CTNS: variants seen among roughly 807,000 people sequenced by gnomAD.
CTNS encodes the protein cystinosin.
In CTNS, 27 loss-of-function variants were observed where a neutral mutation model predicts 43.7. The ratio of observed to expected loss-of-function variants is 0.62; its 90% CI spans 0.46 to 0.85. The LOEUF is 0.85. Among genes scored for constraint, CTNS ranks in the 40% least tolerant of loss-of-function variants. The probability of loss-of-function intolerance (pLI) is 0.00; values close to 1 mark genes in which losing one functional copy is unlikely to be tolerated. For missense variants in CTNS, 457 were observed against 475.4 expected, an observed-to-expected ratio of 0.96 and a Z score of 0.36; for synonymous variants, 187 against 190.6, an observed-to-expected ratio of 0.98 and a Z score of 0.16.
intron 2 of CTNS, among the ~76,000 whole-genome samples, chr17:3,637,970 C>G (rs1256282822): frequency 6.6e-6 from 1 of 152,154 alleles, no homozygotes; most frequent in Non-Finnish European, 1.5e-5. Flanking sequence ...AGTTCCAGGT[C>G]GTAGAACAGA....
intron 5 of CTNS, among the ~76,000 whole-genome samples, chr17:3,652,360 G>A (rs982254987): frequency 6.6e-6 from 1 of 152,190 alleles, no homozygotes; most frequent in African/African-American, 2.4e-5. Context: ...GGGAGGCCGA[G>A]GCAGGCAGAT....
At chr17:3,642,025 G>A (rs1038753896) in intron 3 of CTNS, among the ~76,000 whole-genome samples, 23 of 116,698 alleles carry the variant, frequency 2.0e-4, no homozygotes, top group Middle Eastern at 4.2e-3. Context: ...GTGCGCGCGC[G>A]TGTATTTGCC....
rs2076276981 is a variant in CTNS at position 3,661,443 on chromosome 17, C to G, written c.*1074C>G. 1 of 153,180 alleles carries G rather than the reference C, an allele frequency of 6.5e-6. No homozygotes were observed. The highest frequency in any genetic ancestry group is 2.0e-4 in the South Asian group (1 of 4,880). 9.5% of individuals were successfully genotyped at this position (153,180 alleles called of 1,614,324 possible). ...GGGGTGGGGGTCCCAGGACGTGCCT[C>G]ATACATGACTTGAGCTTGTCAGTCC... On this transcript the variant is annotated 3_prime_UTR_variant, in exon 12 of 12. Transcript: ENST00000046640.
chr17:3,642,086 TGGGC>T (rs2075730438), intron 3 of CTNS, among the ~76,000 whole-genome samples: 4 of 80,600 alleles, frequency 5.0e-5, no homozygotes, highest in African/African-American at 1.6e-4. Context: ...TGTGTGTGCC[TGGGC>T]GTGTGTGTGT....
intron 4 of CTNS, 78 bp from the exon 5 acceptor site, chr17:3,648,769 C>T (rs1198376902): frequency 8.4e-7 from 1 of 1,189,900 alleles, no homozygotes; most frequent in Non-Finnish European, 1.3e-6. Context: ...AGTTGAAGGC[C>T]AGATGTGAAA....
intron 2 of CTNS, among the ~76,000 whole-genome samples, chr17:3,639,211 C>T (rs1025284222): frequency 3.3e-5 from 5 of 152,078 alleles, no homozygotes; most frequent in African/African-American, 9.7e-5. Flanking sequence ...AAATCCATGC[C>T]GGCCTGGCTG....
chr17:3,653,938 G>C (rs367929309), intron 5 of CTNS, among the ~76,000 whole-genome samples: 1 of 152,010 alleles, frequency 6.6e-6, no homozygotes, highest in Non-Finnish European at 1.5e-5. Context: ...GCAGGCCTCC[G>C]GGTACTTTCC....
intron 3 of CTNS, among the ~76,000 whole-genome samples, chr17:3,641,371 TA>T (rs2075691412): frequency 1.5e-4 from 8 of 54,992 alleles, no homozygotes; most frequent in South Asian, 7.3e-4. Flanking sequence ...TATATATATA[TA>T]TATATATATA....
In CTNS at chr17:3,659,995, G is replaced by C; in HGVS notation, c.970+20G>C. ...ACAACGGTGAGTCAGCCAGCGGGCT[G>C]CTGGCCACCCTGCGGCTGGGGCATC... On this transcript the variant is annotated intron_variant, in intron 11 of 11. Coordinates refer to ENST00000046640, the MANE Select transcript of CTNS (RefSeq NM_004937.3). 1 of 1,596,644 alleles carries C rather than the reference G, an allele frequency of 6.3e-7. No homozygotes were observed.
intron 7 of CTNS, chr17:3,655,617 G>A (rs894716819): frequency 1.3e-5 from 6 of 453,894 alleles, no homozygotes; most frequent in East Asian, 4.6e-5. Context: ...GAGAATGGGC[G>A]GGGGAGGGAG....
At chr17:3,647,602 G>C in intron 4 of CTNS, 80 bp downstream of exon 4, 2 of 1,277,698 alleles carry the variant, frequency 1.6e-6, no homozygotes, top group Non-Finnish European at 2.3e-6. Context: ...GGCTCAGTCT[G>C]TTCAGATTTC....
At chr17:3,651,978 A>AAAG (rs2075996359) in intron 5 of CTNS, among the ~76,000 whole-genome samples, 1 of 149,582 alleles carries the variant, frequency 6.7e-6, no homozygotes, top group African/African-American at 2.5e-5. Context: ...TGTCTCAAAA[A>AAAG]AAAAGAAAAG....
intron 5 of CTNS, chr17:3,650,415 A>C: frequency 8.6e-5 from 127 of 1,481,974 alleles, no homozygotes; most frequent in Non-Finnish European, 1.0e-4. Context: ...CCAGGAACTC[A>C]AGGCTGCAGT....
chr17:3,646,242 T>TTG (rs1479202668), intron 3 of CTNS, among the ~76,000 whole-genome samples: 1 of 151,750 alleles, frequency 6.6e-6, no homozygotes, highest in Non-Finnish European at 1.5e-5. Context: ...AAGAGAGGCT[T>TTG]ACTCAGTCCG....
chr17:3,640,309 T>C, intron 3 of CTNS, 42 bp downstream of exon 3: 2 of 1,574,820 alleles, frequency 1.3e-6, no homozygotes, highest in South Asian at 1.1e-5. Context: ...AAGAGGGAAA[T>C]GGTGGCTAGA....
At chr17:3,642,574 C>G (rs1177998579) in intron 3 of CTNS, among the ~76,000 whole-genome samples, 1 of 152,118 alleles carries the variant, frequency 6.6e-6, no homozygotes, top group African/African-American at 2.4e-5. Flanking sequence ...GTAAGCCCAG[C>G]TACTTAGGAG....
At chr17:3,649,498 C>T (rs1480443016) in intron 5 of CTNS, among the ~76,000 whole-genome samples, 1 of 151,692 alleles carries the variant, frequency 6.6e-6, no homozygotes, top group African/African-American at 2.4e-5. Flanking sequence ...GGCCTGGCTG[C>T]TCAAAGGGCA....
Position 3,654,927 on chromosome 17 carries a change from T to C in CTNS, c.226-71T>C. 3 of 1,078,860 alleles carry C rather than the reference T, an allele frequency of 2.8e-6. No homozygotes were observed. In the East Asian group the frequency reaches 7.1e-5, roughly 25 times the overall value. The allele number at this position is 1,078,860 out of a possible 1,614,324, so 66.8% of individuals were successfully genotyped here. ...TCCCTCCGTTCCCTAGCGTGTTGCA[T>C]AGAGCTAGATGCCAGCGGGGTCCTC... On this transcript the variant is annotated intron_variant, in intron 5 of 11. Transcript: ENST00000046640.
At chr17:3,645,115 C>G (rs1454398200) in intron 3 of CTNS, among the ~76,000 whole-genome samples, 1 of 152,196 alleles carries the variant, frequency 6.6e-6, no homozygotes, top group African/African-American at 2.4e-5. Context: ...ACTGGTGGTA[C>G]AGGAAGTCCC....
Sources: allele counts gnomAD v4.1 joint callset (sites outside exome capture counted in the v4.1 genomes callset), GRCh38; gene constraint gnomAD v4.1.1; transcripts MANE v1.5; gene names NCBI Gene and HGNC (gene_info 2026-07-23, HGNC 2026-07-21).